The following ROBO2 variants were observed in gnomAD, a reference collection of about 807,000 sequenced individuals.
ROBO2 encodes the protein roundabout homolog 2.
A neutral mutation model predicts 160.8 loss-of-function variants in ROBO2; 53 were observed. The ratio of observed to expected loss-of-function variants is 0.33; its 90% confidence interval spans 0.26 to 0.41. ROBO2 has a LOEUF of 0.41. ROBO2 is among the 10% of genes least tolerant of loss of function. ROBO2 has a pLI of 1.00. For synonymous variants in ROBO2, 664 were observed against 611.7 expected, an observed-to-expected ratio of 1.09 and a Z score of -1.26; for missense variants, 1,577 against 1,722.4, an observed-to-expected ratio of 0.92 and a Z score of 1.49.
intron 2 of ROBO2, among the ~76,000 whole-genome samples, chr3:77,463,358 T>A (rs1421723042): frequency 1.3e-5 from 2 of 152,116 alleles, no homozygotes; most frequent in Non-Finnish European, 2.9e-5. Flanking sequence ...TTTATACTTT[T>A]AGATTGGGAA....
intron 2 of ROBO2, among the ~76,000 whole-genome samples, chr3:76,192,524 C>CCACA (rs3039244): frequency 0.061 from 7,939 of 130,042 alleles, 284 homozygotes; most frequent in Non-Finnish European, 0.072. Flanking sequence ...CAACACTCCA[C>CCACA]CACACACACA....
chr3:76,644,350 T>C (rs2090858614), intron 2 of ROBO2, among the ~76,000 whole-genome samples: 1 of 152,090 alleles, frequency 6.6e-6, no homozygotes, highest in Non-Finnish European at 1.5e-5. Flanking sequence ...CAAACAAAAA[T>C]ATGCTTAGAC....
chr3:76,097,461 A>G (rs911398722), intron 2 of ROBO2, among the ~76,000 whole-genome samples: 4 of 152,136 alleles, frequency 2.6e-5, no homozygotes, highest in African/African-American at 7.2e-5. Flanking sequence ...CTGGTGTGTC[A>G]TGTGATAGTC....
intron 2 of ROBO2, among the ~76,000 whole-genome samples, chr3:76,503,394 C>A (rs979766769): frequency 4.6e-5 from 7 of 152,122 alleles, no homozygotes; most frequent in African/African-American, 1.7e-4. Flanking sequence ...TCCCTCAATA[C>A]AATCAAGTTG....
chr3:76,247,935 A>G (rs1705722990), intron 2 of ROBO2, among the ~76,000 whole-genome samples: 1 of 151,908 alleles, frequency 6.6e-6, no homozygotes, highest in Middle Eastern at 3.4e-3. Context: ...TCAAAACCAC[A>G]ATGAGATACC....
Position 77,075,672 on chromosome 3 carries a change from C to CTTTTTTTTTTT in ROBO2, c.62-22329_62-22319dup, listed in dbSNP as rs1174587812. Among the ~76,000 whole-genome samples the CTTTTTTTTTTT allele has an allele frequency of 5.5e-4, 48 of 87,254 alleles. 1 individual carries two copies. The highest frequency in any genetic ancestry group is 9.6e-4 in the South Asian group (2 of 2,090). The allele number at this position is 87,254 out of a possible 152,430, so 57.2% of individuals were successfully genotyped here. Reference sequence around the variant, plus strand: ...ATACACTACTATTTCTTTCTTTCTCCTTTTTTTTTTTTTTTTTTTTTTTGA... The same window carrying CTTTTTTTTTTT: ...ATACACTACTATTTCTTTCTTTCTCCTTTTTTTTTTTTTTTTTTTTTTTTTTTTTTTTTTGA... On this transcript the variant is annotated intron_variant, in intron 1 of 25. Transcript: ENST00000461745.
At chr3:76,698,748 A>C (rs1451883918) in intron 2 of ROBO2, among the ~76,000 whole-genome samples, 1 of 152,212 alleles carries the variant, frequency 6.6e-6, no homozygotes, top group East Asian at 1.9e-4. Context: ...ACAGTGGTAG[A>C]AAACTATTTA....
chr3:76,077,311 T>G (rs2068674936), intron 2 of ROBO2, among the ~76,000 whole-genome samples: 1 of 152,136 alleles, frequency 6.6e-6, no homozygotes, highest in Non-Finnish European at 1.5e-5. Flanking sequence ...GCCTGTAATC[T>G]CAGCACTTTT....
intron 2 of ROBO2, among the ~76,000 whole-genome samples, chr3:77,258,707 A>C (rs1294014608): frequency 6.6e-6 from 1 of 152,042 alleles, no homozygotes; most frequent in Non-Finnish European, 1.5e-5. Flanking sequence ...CTCTTCTTTT[A>C]AATTCCACCT....
chr3:76,412,578 CCAAA>C (rs2075548658), intron 2 of ROBO2, among the ~76,000 whole-genome samples: 1 of 152,090 alleles, frequency 6.6e-6, no homozygotes, highest in African/African-American at 2.4e-5. Context: ...AGAAATTAGC[CCAAA>C]CAAAGGGGCT....
intron 2 of ROBO2, among the ~76,000 whole-genome samples, chr3:76,824,281 C>A (rs2066382327): frequency 6.6e-6 from 1 of 152,158 alleles, no homozygotes; most frequent in South Asian, 2.1e-4. Flanking sequence ...ATAGACCAGC[C>A]AGGCACGGGC....
At chr3:77,522,000 G>T (rs1490196862) in intron 5 of ROBO2, among the ~76,000 whole-genome samples, 1 of 151,214 alleles carries the variant, frequency 6.6e-6, no homozygotes. Context: ...TAAATATCAG[G>T]AGGAAAGATC....
chr3:76,502,946 A>G (rs536160988), intron 2 of ROBO2, among the ~76,000 whole-genome samples: 1 of 152,266 alleles, frequency 6.6e-6, no homozygotes, highest in African/African-American at 2.4e-5. Context: ...TGGAACAACC[A>G]TGTAGTAGTC....
intron 2 of ROBO2, among the ~76,000 whole-genome samples, chr3:76,274,695 G>A (rs147041586): frequency 0.04 from 6,083 of 151,846 alleles, 344 homozygotes; most frequent in African/African-American, 0.12. Flanking sequence ...AAAATTAGCC[G>A]GGCATGGTGG....
chr3:77,510,755 G>A (rs554871516), intron 5 of ROBO2, among the ~76,000 whole-genome samples: 1 of 152,042 alleles, frequency 6.6e-6, no homozygotes, highest in African/African-American at 2.4e-5. Flanking sequence ...ATTTTGTTTT[G>A]GTTTGCTGTA....
At chr3:77,550,132 T>C (rs2092859774) in intron 7 of ROBO2, among the ~76,000 whole-genome samples, 1 of 152,078 alleles carries the variant, frequency 6.6e-6, no homozygotes, top group South Asian at 2.1e-4. Flanking sequence ...AGTAATTTTG[T>C]TTTAAAAAGA....
intron 2 of ROBO2, among the ~76,000 whole-genome samples, chr3:77,428,365 T>C (rs1442269885): frequency 1.8e-5 from 2 of 112,634 alleles, no homozygotes; most frequent in Non-Finnish European, 4.1e-5. Context: ...TTTTTTTTTT[T>C]TGAGACGGAG....
intron 2 of ROBO2, among the ~76,000 whole-genome samples, chr3:76,643,512 T>C (rs143870661): frequency 1.3e-4 from 20 of 152,288 alleles, no homozygotes; most frequent in African/African-American, 4.8e-4. Context: ...CTGCAATAAA[T>C]GCAAACCTAA....
chr3:76,743,601 T>TA lies in ROBO2; in HGVS notation c.110-354409dup, dbSNP rs1277402909. ...CTTTCTGCAGTGAATCATGTAAACATAAAATCAATGATTTAATGAAAAAAT... is the reference window on the plus strand; with the variant it reads ...CTTTCTGCAGTGAATCATGTAAACATAAAAATCAATGATTTAATGAAAAAAT... On this transcript the variant is annotated intron_variant, in intron 2 of 26. Transcript: ENST00000487694. Among the ~76,000 whole-genome samples the TA allele has an allele frequency of 2.6e-5, 4 of 152,218 alleles. No individual in the cohort carries two copies. In the East Asian group the frequency reaches 7.7e-4, roughly 29 times the overall value.
Sources: gnomAD v4.1 joint callset for allele counts (sites outside exome capture counted in the v4.1 genomes callset) on GRCh38, gnomAD v4.1.1 for gene constraint, MANE v1.5 for transcripts, NCBI Gene and HGNC (gene_info 2026-07-23, HGNC 2026-07-21) for gene names.